LOXL2: variants seen among roughly 807,000 people sequenced by gnomAD.
The protein encoded by LOXL2 is lysyl oxidase homolog 2.
In LOXL2, 70 loss-of-function variants were observed where a neutral mutation model predicts 93.0. That is an observed-to-expected ratio of 0.75 (90% CI 0.62 to 0.92). LOXL2 has a LOEUF of 0.92. LOXL2 is among the 40% of genes least tolerant of loss of function. The pLI is 0.00. For synonymous variants in LOXL2, 438 were observed against 413.2 expected (o/e 1.06, Z -0.73); for missense variants, 973 against 1,054.9 (o/e 0.92, Z 1.08).
chr8:23,307,972 A>AAAAAAAAAAAAT, intron 10 of LOXL2, among the ~76,000 whole-genome samples: 1 of 151,042 alleles, frequency 6.6e-6, no homozygotes. Flanking sequence ...AAAAAAAAAA[A>AAAAAAAAAAAAT]AGCCAAAGAT....
At chr8:23,324,331 C>T (rs4549777) in intron 6 of LOXL2, among the ~76,000 whole-genome samples, 89,323 of 152,048 alleles carry the variant, frequency 0.59, 28,584 homozygotes, top group Non-Finnish European at 0.73. Flanking sequence ...GACAAGGCTC[C>T]GGGGGGCAGG....
intron 5 of LOXL2, among the ~76,000 whole-genome samples, chr8:23,332,704 A>G: frequency 1.9e-5 from 1 of 51,336 alleles, no homozygotes; most frequent in Non-Finnish European, 3.2e-5. Context: ...CCACACACTC[A>G]TACACATGCA....
At chr8:23,348,382 G>A (rs1400421426) in intron 3 of LOXL2, among the ~76,000 whole-genome samples, 4 of 151,748 alleles carry the variant, frequency 2.6e-5, no homozygotes, top group African/African-American at 7.3e-5. Context: ...TTGTGCACAC[G>A]TACCCTAGAA....
At chr8:23,322,088 C>T in intron 7 of LOXL2, 42 bp downstream of exon 7, 1 of 1,602,844 alleles carries the variant, frequency 6.2e-7, no homozygotes, top group Non-Finnish European at 8.5e-7. Flanking sequence ...ATACTTTCTG[C>T]AGCCTCAGTT....
intron 1 of LOXL2, among the ~76,000 whole-genome samples, chr8:23,368,959 A>C (rs1002134131): frequency 6.6e-6 from 1 of 152,124 alleles, no homozygotes; most frequent in Non-Finnish European, 1.5e-5. Flanking sequence ...CCCGTCTTTG[A>C]ATCATTCTGG....
At chr8:23,383,240 G>T (rs117437261) in intron 1 of LOXL2, among the ~76,000 whole-genome samples, 1 of 152,036 alleles carries the variant, frequency 6.6e-6, no homozygotes, top group Non-Finnish European at 1.5e-5. Context: ...ATCAGAACAC[G>T]CTGTCTGAAT....
chr8:23,369,316 G>A (rs543234463), intron 1 of LOXL2, among the ~76,000 whole-genome samples: 13 of 152,148 alleles, frequency 8.5e-5, no homozygotes, highest in African/African-American at 2.7e-4. Context: ...AAGAGACCTC[G>A]TGTATCTTGG....
rs996084006 is a variant in LOXL2 at position 23,318,448 on chromosome 8, C to T, written c.1471-1334G>A. On this transcript the variant is annotated intron_variant, in intron 8 of 13. Transcript: ENST00000389131. ...TAGCACACACACACACACACACACA[C>T]ACACACACACACAAAAATACACATT... 2.0e-5 allele frequency among the ~76,000 whole-genome samples: 3 copies of T among 146,464 alleles called. No individual in the cohort carries two copies. In the Admixed American group the frequency reaches 2.1e-4, roughly 10 times the overall value.
In LOXL2 at chr8:23,298,821, G is replaced by C; in HGVS notation, c.2245+15C>G. The stretch of plus-strand genomic sequence containing the variant: ...CTCCCGCCTGCTTCCTGGAGTGGGG[G>C]CGGCCTGGCCTTACCTATGTGGCAG... On this transcript the variant is annotated intron_variant, in intron 13 of 13. Coordinates refer to ENST00000389131, the MANE Select transcript of LOXL2 (RefSeq NM_002318.3). 9 of 1,553,324 alleles carry C rather than the reference G, an allele frequency of 5.8e-6. No individual in the cohort carries two copies. Among genetic ancestry groups the C allele is most frequent in the Non-Finnish European group, 8.0e-6 (9 of 1,125,468 alleles).
intron 1 of LOXL2, among the ~76,000 whole-genome samples, chr8:23,399,103 C>A (rs1800127754): frequency 6.6e-6 from 1 of 152,224 alleles, no homozygotes; most frequent in Non-Finnish European, 1.5e-5. Flanking sequence ...GTTGGCCCTT[C>A]CTTTTCTAGC....
At chr8:23,362,915 A>G (rs1038586183) in intron 2 of LOXL2, among the ~76,000 whole-genome samples, 3 of 152,190 alleles carry the variant, frequency 2.0e-5, no homozygotes, top group Non-Finnish European at 4.4e-5. Flanking sequence ...AGGAGTCTAG[A>G]GCAGCAGACA....
intron 1 of LOXL2, among the ~76,000 whole-genome samples, chr8:23,374,948 A>C (rs374557688): frequency 5.9e-5 from 9 of 152,126 alleles, no homozygotes; most frequent in African/African-American, 1.9e-4. Context: ...TCTTTAGTTT[A>C]ATTAGATCCC....
Position 23,347,168 on chromosome 8 carries a change from A to AACAC in LOXL2, c.532-5969_532-5966dup, listed in dbSNP as rs60464587. Among the ~76,000 whole-genome samples, 544 of 141,860 alleles carry AACAC rather than the reference A, an allele frequency of 3.8e-3. 4 individuals are homozygous for AACAC. The highest frequency in any genetic ancestry group is 0.011 in the Middle Eastern group (3 of 272). 93.1% of individuals were successfully genotyped at this position (141,860 alleles called of 152,430 possible). ...ACCCTATCTCTACTAAACACACACA[A>AACAC]ACACACACACACACACACACACACA... On this transcript the variant is annotated intron_variant, in intron 3 of 13. Coordinates refer to ENST00000389131, the MANE Select transcript of LOXL2 (RefSeq NM_002318.3).
intron 1 of LOXL2, among the ~76,000 whole-genome samples, chr8:23,381,356 C>A (rs916368956): frequency 6.6e-6 from 1 of 152,024 alleles, no homozygotes; most frequent in Non-Finnish European, 1.5e-5. Flanking sequence ...AATTGCTGGG[C>A]CAAAGGGTTT....
At chr8:23,361,481 C>T (rs1315300690) in intron 2 of LOXL2, among the ~76,000 whole-genome samples, 3 of 152,230 alleles carry the variant, frequency 2.0e-5, no homozygotes, top group Admixed American at 6.5e-5. Context: ...GAGAATTCAG[C>T]GTGCAAAGTG....
chr8:23,391,743 T>C (rs377676451), intron 1 of LOXL2, among the ~76,000 whole-genome samples: 2 of 152,226 alleles, frequency 1.3e-5, no homozygotes, highest in African/African-American at 4.8e-5. Context: ...ATGGGGCCCG[T>C]GGCATGAAAA....
In LOXL2 at chr8:23,353,022, G is replaced by A. The variant is rs368860348; in HGVS notation, c.531+7068C>T. 5.0e-3 allele frequency among the ~76,000 whole-genome samples: 741 copies of A among 148,662 alleles called. 6 individuals are homozygous for A. Among genetic ancestry groups the A allele is most frequent in the East Asian group, 0.017 (84 of 4,972 alleles). ...GGGGTGGGGTGGGGAGGGGTGGAGT[G>A]GGGTGGGGTGAGGTGGGGAGGGATG... is the stretch of plus-strand genomic sequence containing the variant. On this transcript the variant is annotated intron_variant, in intron 3 of 13. Transcript: ENST00000389131.
chr8:23,339,070 GGCAGCTCA>G (rs1323299599), intron 4 of LOXL2, among the ~76,000 whole-genome samples: 1 of 152,190 alleles, frequency 6.6e-6, no homozygotes, highest in Admixed American at 6.5e-5. Context: ...GCCCTTTGCT[GGCAGCTCA>G]GCCCCGACAG....
intron 3 of LOXL2, among the ~76,000 whole-genome samples, chr8:23,355,695 C>T (rs543848131): frequency 1.2e-3 from 188 of 151,352 alleles, no homozygotes; most frequent in African/African-American, 4.3e-3. Flanking sequence ...CTGCAGCCTC[C>T]ACTTCCTACG....
Sources: gnomAD v4.1 joint callset for allele counts (sites outside exome capture counted in the v4.1 genomes callset) on GRCh38, gnomAD v4.1.1 for gene constraint, MANE v1.5 for transcripts, NCBI Gene and HGNC (gene_info 2026-07-23, HGNC 2026-07-21) for gene names.